MAP3K10: variants seen among roughly 807,000 people sequenced by gnomAD.
The protein encoded by MAP3K10 is MKN28 derived nonreceptor_type serine/threonine kinase.
In MAP3K10, 22 loss-of-function variants were observed where a neutral mutation model predicts 75.0. The ratio of observed to expected loss-of-function variants is 0.29; its 90% CI spans 0.21 to 0.42. The LOEUF (loss-of-function observed/expected upper bound fraction) is 0.42, where lower values mean the gene tolerates loss of function less well. MAP3K10 is among the 10% of genes least tolerant of loss of function. The probability of loss-of-function intolerance (pLI) is 1.00; values close to 1 mark genes in which losing one functional copy is unlikely to be tolerated. For missense variants in MAP3K10, 1,165 were observed against 1,379.8 expected, an observed-to-expected ratio of 0.84 and a Z score of 2.47; for synonymous variants, 599 against 612.9, an observed-to-expected ratio of 0.98 and a Z score of 0.34.
chr19:40,193,581 C>T (rs1972854973), intron 1 of MAP3K10, among the ~76,000 whole-genome samples: 1 of 152,162 alleles, frequency 6.6e-6, no homozygotes, highest in Non-Finnish European at 1.5e-5. Flanking sequence ...GGTTTCTGCC[C>T]TGACAGTACT....
Position 40,204,949 on chromosome 19 carries a change from A to T in MAP3K10, c.1013-172A>T. 1.5e-6 allele frequency: 1 copy of T among 687,744 alleles called. No homozygotes were observed. Among genetic ancestry groups the T allele is most frequent in the Non-Finnish European group, 2.5e-6 (1 of 396,560 alleles). 42.6% of individuals were successfully genotyped at this position (687,744 alleles called of 1,614,324 possible). On this transcript the variant is annotated intron_variant, in intron 3 of 9. Coordinates refer to ENST00000253055, the MANE Select transcript of MAP3K10 (RefSeq NM_002446.4). This position sits in a 1 kb window ranked among gnomAD's most constrained non-coding sequence, Gnocchi z 4.3. ...CCCAGGGTTTCTCTCCCAGCGTTTC[A>T]CTGAGTGGAATTGGCCAGGAGCTTG...
chr19:40,192,592 A>C lies in MAP3K10; in HGVS notation c.561A>C (p.Ala187=). 1 of 1,612,996 alleles carries C rather than the reference A, an allele frequency of 6.2e-7. No individual in the cohort carries two copies. Among genetic ancestry groups the C allele is most frequent in the African/African-American group, 1.3e-5 (1 of 75,020 alleles). ...GTGGTGCACTGAGCAGGGTGCTGGCAGGTCGCCGGGTGCCACCTCACGTGC... is the reference window on the plus strand; with the variant it reads ...GTGGTGCACTGAGCAGGGTGCTGGCCGGTCGCCGGGTGCCACCTCACGTGC... ...ARGGALSRVL[A]GRRVPPHVLV... Residue 187 remains alanine, a synonymous_variant, in exon 1 of 10, where the codon GCA becomes GCC. Transcript: ENST00000253055. The surrounding 1 kb of genome is among the most constrained non-coding windows in gnomAD (Gnocchi z 7.1).
Position 40,213,138 on chromosome 19 carries a change from C to A in MAP3K10, c.1787C>A (p.Ser596Tyr). The A allele has an allele frequency of 1.2e-6, 2 of 1,601,990 alleles. No homozygotes were observed. Among genetic ancestry groups the A allele is most frequent in the Non-Finnish European group, 1.7e-6 (2 of 1,175,218 alleles). Residue 596 changes from serine (S) to tyrosine (Y), a missense_variant, in exon 8 of 10, where the codon TCC (serine) becomes TAC (tyrosine). Transcript: ENST00000253055. The surrounding 1 kb of genome is among the most constrained non-coding windows in gnomAD (Gnocchi z 5.7). ...TCAAGTGCCCCCAACCTGGGCAAGT[C>A]CCCCAAACACACACCCATCGCCCCT... ...WSSSAPNLGK[S>Y]PKHTPIAPGF... is the part of the protein sequence containing the mutation.
intron 1 of MAP3K10, among the ~76,000 whole-genome samples, chr19:40,195,180 C>CCA (rs1231133989): frequency 6.6e-6 from 1 of 152,016 alleles, no homozygotes; most frequent in Non-Finnish European, 1.5e-5. Context: ...ACCTTGGGGG[C>CCA]CATGGTGAGG....
Position 40,213,749 on chromosome 19 carries a change from C to T in MAP3K10, c.2070C>T (p.Asp690=). The part of the protein sequence containing the change: ...TLLGAVGLGA[D]VAEARAADGE... ...TGGGGGCTGTGGGCCTGGGCGCCGA[C>T]GTGGCCGAGGCGCGCGCGGCCGACG... is the stretch of plus-strand genomic sequence containing the variant. Residue 690 remains aspartate (D), a synonymous_variant, in exon 9 of 10, where the codon GAC becomes GAT. Coordinates refer to ENST00000253055, the MANE Select transcript of MAP3K10 (RefSeq NM_002446.4). The surrounding 1 kb of genome is among the most constrained non-coding windows in gnomAD (Gnocchi z 5.7). The T allele has an allele frequency of 2.7e-6, 3 of 1,093,562 alleles. No homozygotes were observed. Among genetic ancestry groups the T allele is most frequent in the South Asian group, 6.8e-5 (2 of 29,298 alleles). The allele number at this position is 1,093,562 out of a possible 1,614,324, so 67.7% of individuals were successfully genotyped here.
intron 1 of MAP3K10, among the ~76,000 whole-genome samples, chr19:40,196,648 A>G (rs1278797985): frequency 2.0e-5 from 3 of 152,126 alleles, no homozygotes; most frequent in Non-Finnish European, 4.4e-5. Flanking sequence ...CCTCTCAAAT[A>G]GCTGGGACTC....
chr19:40,209,342 C>A, intron 6 of MAP3K10, 123 bp downstream of exon 6: 1 of 633,786 alleles, frequency 1.6e-6, no homozygotes, highest in South Asian at 2.1e-5. Flanking sequence ...AGGCCCTTTT[C>A]CTCATTCTTA....
Position 40,213,128 on chromosome 19 carries a change from C to G in MAP3K10, c.1777C>G (p.Leu593Val). 3 of 1,603,780 alleles carry G rather than the reference C, an allele frequency of 1.9e-6. No individual in the cohort carries two copies. Among genetic ancestry groups the G allele is most frequent in the Non-Finnish European group, 2.6e-6 (3 of 1,176,020 alleles). The change falls in exon 8 of 10, where the codon CTG becomes GTG. Residue 593 changes from leucine to valine, a missense_variant. By Grantham distance (32) the Leu-to-Val change is conservative. Around this residue, in one of 2 missense-constraint regions of MAP3K10, gnomAD observed 590 missense variants for 586.6 expected, o/e 1.01. Coordinates refer to ENST00000253055, the MANE Select transcript of MAP3K10 (RefSeq NM_002446.4). This position sits in a 1 kb window ranked among gnomAD's most constrained non-coding sequence, Gnocchi z 5.7. ...ACAGTGGTCATCAAGTGCCCCCAAC[C>G]TGGGCAAGTCCCCCAAACACACACC... ...SKQWSSSAPN[L>V]GKSPKHTPIA...
rs750518133 is a variant in MAP3K10 at position 40,205,252 on chromosome 19, C to T, written c.1144C>T (p.Leu382=). The T allele has an allele frequency of 4.3e-6, 7 of 1,614,106 alleles. No homozygotes were observed. The highest frequency in any genetic ancestry group is 5.1e-6 in the Non-Finnish European group (6 of 1,180,032). Residue 382 remains leucine, a synonymous_variant, in exon 4 of 10, where the codon CTG becomes TTG. Coordinates refer to ENST00000253055, the MANE Select transcript of MAP3K10 (RefSeq NM_002446.4). The surrounding 1 kb of genome is among the most constrained non-coding windows in gnomAD (Gnocchi z 4.3). ...SFHSLQEDWK[L]EIQHMFDDLR... ...CCACTCGCTGCAGGAAGACTGGAAG[C>T]TGGAGATTCAGCACATGTTTGATGA...
chr19:40,210,779 TC>T (rs938809867), intron 6 of MAP3K10, among the ~76,000 whole-genome samples: 1 of 151,938 alleles, frequency 6.6e-6, no homozygotes, highest in African/African-American at 2.4e-5. Context: ...AAGATGGATA[TC>T]CACGCTCATG....
In MAP3K10 at chr19:40,213,133, C is replaced by G; in HGVS notation, c.1782C>G (p.Gly594=). The G allele has an allele frequency of 6.2e-7, 1 of 1,602,890 alleles. No individual in the cohort carries two copies. Among genetic ancestry groups the G allele is most frequent in the Non-Finnish European group, 8.5e-7 (1 of 1,175,622 alleles). Residue 594 remains glycine, a synonymous_variant, in exon 8 of 10, where the codon GGC becomes GGG. Coordinates refer to ENST00000253055, the MANE Select transcript of MAP3K10 (RefSeq NM_002446.4). This position sits in a 1 kb window ranked among gnomAD's most constrained non-coding sequence, Gnocchi z 5.7. ...KQWSSSAPNL[G]KSPKHTPIAP... ...GGTCATCAAGTGCCCCCAACCTGGG[C>G]AAGTCCCCCAAACACACACCCATCG...
chr19:40,205,228 C>T lies in MAP3K10; in HGVS notation c.1120C>T (p.His374Tyr), dbSNP rs1973096712. 1.2e-6 allele frequency: 2 copies of T among 1,614,018 alleles called. No homozygotes were observed. Among genetic ancestry groups the T allele is most frequent in the Non-Finnish European group, 1.7e-6 (2 of 1,180,042 alleles). ...GTTCCAGATGCCACTGGAGTCCTTC[C>T]ACTCGCTGCAGGAAGACTGGAAGCT... ...ALFQMPLESF[H>Y]SLQEDWKLEI... Residue 374 changes from histidine to tyrosine, a missense_variant, in exon 4 of 10, where the codon CAC (histidine) becomes TAC (tyrosine). By Grantham distance (83) the His-to-Tyr change is moderately conservative. Coordinates refer to ENST00000253055, the MANE Select transcript of MAP3K10 (RefSeq NM_002446.4). The surrounding 1 kb of genome is among the most constrained non-coding windows in gnomAD (Gnocchi z 4.3).
At position 40,212,976 on chromosome 19, in the gene MAP3K10, G is replaced by A; in HGVS notation, c.1724G>A (p.Arg575Lys). Residue 575 changes from arginine (R) to lysine (K), a missense_variant and splice_region_variant, in exon 7 of 10, where the codon AGG (arginine) becomes AAG (lysine). By Grantham distance (26) the Arg-to-Lys change is conservative (BLOSUM62 2). This residue lies in a region of MAP3K10 where 590 missense variants were observed against 586.6 expected (regional missense o/e 1.01). Coordinates refer to ENST00000253055, the MANE Select transcript of MAP3K10 (RefSeq NM_002446.4). The surrounding 1 kb of genome is among the most constrained non-coding windows in gnomAD (Gnocchi z 4.2). The part of the protein sequence containing the change: ...LQKERVGGEE[R>K]LKGLGEGSKQ... ...AAGGAGCGGGTGGGAGGAGAGGAGA[G>A]GTGAGGTGTGGTGTGGTCATGCCCA... The A allele has an allele frequency of 6.3e-7, 1 of 1,598,812 alleles. No individual in the cohort carries two copies. Among genetic ancestry groups the A allele is most frequent in the Non-Finnish European group, 8.5e-7 (1 of 1,172,044 alleles).
intron 2 of MAP3K10, among the ~76,000 whole-genome samples, chr19:40,199,898 C>T (rs549002917): frequency 4.9e-4 from 75 of 152,338 alleles, no homozygotes; most frequent in African/African-American, 1.7e-3. Flanking sequence ...GTGGCTCACG[C>T]CTGTAATCCC....
At position 40,192,619 on chromosome 19, in the gene MAP3K10, G is replaced by A; in HGVS notation, c.588G>A (p.Leu196=). ...LAGRRVPPHV[L]VNWAVQVARG... is the part of the protein sequence containing the mutation. Reference sequence around the variant, plus strand: ...GTCGCCGGGTGCCACCTCACGTGCTGGTCAACTGGGCTGTGCAGGTGGCCC... The same window carrying A: ...GTCGCCGGGTGCCACCTCACGTGCTAGTCAACTGGGCTGTGCAGGTGGCCC... The change falls in exon 1 of 10, where the codon CTG becomes CTA. Residue 196 remains leucine, a synonymous_variant. Coordinates refer to ENST00000253055, the MANE Select transcript of MAP3K10 (RefSeq NM_002446.4). This position sits in a 1 kb window ranked among gnomAD's most constrained non-coding sequence, Gnocchi z 7.1. 6.2e-7 allele frequency: 1 copy of A among 1,611,320 alleles called. No homozygotes were observed. The highest frequency in any genetic ancestry group is 1.7e-4 in the Middle Eastern group (1 of 6,046).
At position 40,192,077 on chromosome 19, in the gene MAP3K10, C is replaced by A; in HGVS notation, c.46C>A (p.Pro16Thr). ...GGTGGCCAAGGAGTGGGGCACGACC[C>A]CCGCGGGGCCCGTCTGGACCGCGGT... Reference protein sequence around the residue: ...GAVAKEWGTTPAGPVWTAVFD... With the variant: ...GAVAKEWGTTTAGPVWTAVFD... The change falls in exon 1 of 10, where the codon CCC becomes ACC. Residue 16 changes from proline to threonine, a missense_variant. Pro to Thr is a conservative substitution (Grantham distance 38). This residue lies in a region of MAP3K10 where 575 missense variants were observed against 793.2 expected (regional missense o/e 0.72). Coordinates refer to ENST00000253055, the MANE Select transcript of MAP3K10 (RefSeq NM_002446.4). This position sits in a 1 kb window ranked among gnomAD's most constrained non-coding sequence, Gnocchi z 7.1. The A allele has an allele frequency of 6.7e-7, 1 of 1,499,950 alleles. No homozygotes were observed. The highest frequency in any genetic ancestry group is 2.5e-5 in the East Asian group (1 of 40,512). The allele number at this position is 1,499,950 out of a possible 1,614,324, so 92.9% of individuals were successfully genotyped here.
chr19:40,208,366 T>TTTTTTTTTTTTTA (rs1408319138), intron 5 of MAP3K10, among the ~76,000 whole-genome samples: 1 of 131,482 alleles, frequency 7.6e-6, no homozygotes, highest in African/African-American at 2.8e-5. Context: ...TTTTTTTTTT[T>TTTTTTTTTTTTTA]TTTGTATTTT....
intron 1 of MAP3K10, among the ~76,000 whole-genome samples, chr19:40,196,631 A>G (rs10423675): frequency 0.5 from 75,532 of 151,842 alleles, 20,000 homozygotes; most frequent in South Asian, 0.65. Context: ...TGATCCTCTC[A>G]CCAAAGCCTC....
chr19:40,198,961 G>A lies in MAP3K10; in HGVS notation c.863+406G>A, dbSNP rs529440286. 5.9e-5 allele frequency among the ~76,000 whole-genome samples: 9 copies of A among 152,302 alleles called. No individual in the cohort carries two copies. Among genetic ancestry groups the A allele is most frequent in the South Asian group, 2.1e-4 (1 of 4,828 alleles). ...CAGATGCCTGTTGTCCCAGCTACTC[G>A]GGAGACTGAGGCAGGAGAATCACTT... On this transcript the variant is annotated intron_variant, in intron 2 of 9. Transcript: ENST00000253055. The surrounding 1 kb of genome is among the most constrained non-coding windows in gnomAD (Gnocchi z 4.3).
Sources: allele counts gnomAD v4.1 joint callset (sites outside exome capture counted in the v4.1 genomes callset), GRCh38; gene constraint gnomAD v4.1.1; regional missense constraint gnomAD v4.1.1; non-coding constraint Gnocchi (gnomAD v3.1); transcripts MANE v1.5; gene names NCBI Gene and HGNC (gene_info 2026-07-23, HGNC 2026-07-21).